Variants in ST7 observed in about 807,000 individuals in gnomAD.
ST7 encodes suppressor of tumorigenicity 7 protein.
ST7 carries 28 observed loss-of-function variants against 78.7 expected under a neutral mutation model. The observed-to-expected ratio is 0.36, with a 90% CI of 0.26 to 0.49. The LOEUF is 0.49. ST7 is among the 20% of genes least tolerant of loss of function. The probability of loss-of-function intolerance (pLI) is 0.99; values close to 1 mark genes in which losing one functional copy is unlikely to be tolerated. For synonymous variants in ST7, 247 were observed against 249.6 expected, an observed-to-expected ratio of 0.99 and a Z score of 0.10; for missense variants, 418 against 696.0, an observed-to-expected ratio of 0.60 and a Z score of 4.49.
intron 2 of ST7, among the ~76,000 whole-genome samples, chr7:117,115,278 T>C (rs1005727000): frequency 1.3e-5 from 2 of 151,992 alleles, no homozygotes; most frequent in African/African-American, 4.8e-5. Context: ...CTTTCCAAAA[T>C]AGAATGTCTC....
At chr7:117,229,665 T>C (rs577424247) in intron 15 of ST7, 97 bp from the exon 16 acceptor site, 70 of 977,226 alleles carry the variant, frequency 7.2e-5, no homozygotes, top group South Asian at 5.9e-4. Flanking sequence ...ACTTTCGTAA[T>C]GCAGAGACTT....
At chr7:117,111,523 C>G (rs1295591188) in intron 2 of ST7, among the ~76,000 whole-genome samples, 2 of 152,202 alleles carry the variant, frequency 1.3e-5, no homozygotes, top group Non-Finnish European at 2.9e-5. Flanking sequence ...TAAAAATAAA[C>G]AGGTGTATAT....
At chr7:117,009,072 C>T (rs777645130) in intron 1 of ST7, among the ~76,000 whole-genome samples, 1 of 151,966 alleles carries the variant, frequency 6.6e-6, no homozygotes, top group Non-Finnish European at 1.5e-5. Flanking sequence ...CAGATGGTCC[C>T]ACAAAATCTA....
At chr7:117,068,857 A>G (rs535203518) in intron 1 of ST7, among the ~76,000 whole-genome samples, 1 of 152,352 alleles carries the variant, frequency 6.6e-6, no homozygotes, top group African/African-American at 2.4e-5. Context: ...GGGAGCCATG[A>G]TTTTAGAGGG....
At chr7:116,990,216 G>T (rs889293327) in intron 1 of ST7, among the ~76,000 whole-genome samples, 5 of 152,182 alleles carry the variant, frequency 3.3e-5, no homozygotes, top group Admixed American at 2.0e-4. Flanking sequence ...GATTACAGGT[G>T]TGAGCCACCA....
chr7:117,191,681 A>G (rs1809799906), intron 12 of ST7: 1 of 152,196 alleles, frequency 6.6e-6, no homozygotes, highest in Admixed American at 6.5e-5. Flanking sequence ...TGAGGGAGGA[A>G]AAAAAGTAGC....
intron 9 of ST7, among the ~76,000 whole-genome samples, chr7:117,161,591 CTTTTTTTTTTT>C (rs60505994): frequency 8.8e-6 from 1 of 113,594 alleles, no homozygotes; most frequent in Non-Finnish European, 1.7e-5. Context: ...TTCTTTCTTT[CTTTTTTTTTTT>C]TTTTTTTTTC....
intron 10 of ST7, among the ~76,000 whole-genome samples, chr7:117,180,103 T>C (rs1228714590): frequency 1.3e-5 from 2 of 152,234 alleles, no homozygotes; most frequent in Non-Finnish European, 2.9e-5. Context: ...TTTTAAACTA[T>C]AACCACTTTA....
At chr7:117,053,987 TCCA>T in intron 1 of ST7, among the ~76,000 whole-genome samples, 1 of 151,938 alleles carries the variant, frequency 6.6e-6, no homozygotes. Flanking sequence ...ACAGGCATGC[TCCA>T]CCAGGCCTGG....
intron 1 of ST7, among the ~76,000 whole-genome samples, chr7:116,984,624 C>T (rs975599108): frequency 2.6e-5 from 4 of 152,112 alleles, no homozygotes; most frequent in African/African-American, 7.2e-5. Context: ...TTATTTAATA[C>T]GTGAGGGTCA....
chr7:117,096,851 A>G (rs945311152), intron 1 of ST7, among the ~76,000 whole-genome samples: 14 of 152,092 alleles, frequency 9.2e-5, no homozygotes, highest in Non-Finnish European at 1.2e-4. Context: ...CCTACTCTCT[A>G]GGTGTTTCTG....
At chr7:116,972,969 A>T in intron 1 of ST7, 1 of 885,178 alleles carries the variant, frequency 1.1e-6, no homozygotes, top group Non-Finnish European at 1.8e-6. Context: ...TTGGTGTTGC[A>T]GCCTCCTCTC....
At chr7:116,972,574 T>G (rs953643598) in intron 1 of ST7, 1 of 1,409,098 alleles carries the variant, frequency 7.1e-7, no homozygotes, top group African/African-American at 1.4e-5. Context: ...CTTAGCTTCT[T>G]TGAGTTGAAT....
intron 1 of ST7, among the ~76,000 whole-genome samples, chr7:117,062,188 T>C (rs1798393669): frequency 6.6e-6 from 1 of 152,208 alleles, no homozygotes; most frequent in Non-Finnish European, 1.5e-5. Flanking sequence ...AATCCCATTA[T>C]GAGGGTCCCT....
chr7:116,955,434 CAA>C (rs1792413517), intron 1 of ST7, among the ~76,000 whole-genome samples: 1 of 152,112 alleles, frequency 6.6e-6, no homozygotes. Context: ...CATGAGAAAA[CAA>C]GAGGGGGCCC....
Position 116,953,624 on chromosome 7 carries a change from C to A in ST7, c.84C>A (p.Phe28Leu). Residue 28 changes from phenylalanine (F) to leucine (L), a missense_variant, in exon 1 of 16, where the codon TTC becomes TTA. Coordinates refer to ENST00000323984, the MANE Select transcript of ST7 (RefSeq NM_001369598.1). The part of the protein sequence containing the change: ...WSWTYLWTVW[F>L]FIVLFLVYIL... ...GGACGTATCTGTGGACCGTGTGGTT[C>A]TTCATCGTGCTATTCCTGGTCTACA... is the stretch of plus-strand genomic sequence containing the variant. The A allele has an allele frequency of 1.3e-6, 2 of 1,512,332 alleles. No homozygotes were observed. The highest frequency in any genetic ancestry group is 2.7e-5 in the East Asian group (1 of 36,666). 93.7% of individuals were successfully genotyped at this position (1,512,332 alleles called of 1,614,324 possible). A position where few individuals can be genotyped will look rare whatever the true frequency, so the allele number is the denominator to read the frequency against.
At chr7:117,171,050 T>C in intron 10 of ST7, 74 bp downstream of exon 10, 2 of 868,708 alleles carry the variant, frequency 2.3e-6, no homozygotes, top group Non-Finnish European at 3.5e-6. Flanking sequence ...ATTAGAAGGG[T>C]CATTTCAAAT....
chr7:117,189,062 T>C (rs1809542023), intron 10 of ST7, among the ~76,000 whole-genome samples: 1 of 152,218 alleles, frequency 6.6e-6, no homozygotes, highest in South Asian at 2.1e-4. Context: ...TGAAAATTCA[T>C]ATTTTAAAAT....
chr7:117,017,249 T>C (rs1164059746), intron 1 of ST7, among the ~76,000 whole-genome samples: 1 of 152,228 alleles, frequency 6.6e-6, no homozygotes, highest in Non-Finnish European at 1.5e-5. Flanking sequence ...CACGTGTTTG[T>C]TTCTCTGTCT....
Sources: allele counts gnomAD v4.1 joint callset (sites outside exome capture counted in the v4.1 genomes callset), GRCh38; gene constraint gnomAD v4.1.1; transcripts MANE v1.5; gene names NCBI Gene and HGNC (gene_info 2026-07-23, HGNC 2026-07-21).